Variants in MCF2 observed in about 807,000 individuals in gnomAD.
MCF2 encodes MCF.2 cell line derived transforming sequence.
MCF2 carries 44 observed loss-of-function variants against 82.5 expected under a neutral mutation model. That is an observed-to-expected ratio of 0.53 (90% CI 0.42 to 0.69). The LOEUF (loss-of-function observed/expected upper bound fraction) is 0.69, where lower values mean the gene tolerates loss of function less well. Among genes scored for constraint, MCF2 ranks in the 30% least tolerant of loss-of-function variants. MCF2 has a pLI of 0.00. For synonymous variants in MCF2, 217 were observed against 224.9 expected, an observed-to-expected ratio of 0.96 and a Z score of 0.32; for missense variants, 623 against 663.1, an observed-to-expected ratio of 0.94 and a Z score of 0.66.
intron 1 of MCF2, among the ~76,000 whole-genome samples, chrX:139,664,322 A>AAC (rs1200915450): frequency 5.7e-5 from 6 of 105,613 alleles, no homozygotes; most frequent in African/African-American, 2.2e-4. Context: ...ACAAAAAACA[A>AAC]AAAAAAAAAA....
intron 9 of MCF2, 87 bp downstream of exon 12, chrX:139,616,195 G>A: frequency 2.1e-6 from 1 of 475,747 alleles, no homozygotes; most frequent in Non-Finnish European, 3.2e-6. Context: ...CATAAAGTTA[G>A]CTGTGAGGTA....
intron 10 of MCF2, among the ~76,000 whole-genome samples, chrX:139,610,818 T>C (rs1292155821): frequency 9.0e-6 from 1 of 111,442 alleles, no homozygotes. Context: ...CCCAAAATCA[T>C]CCTAAGAGGT....
At chrX:139,632,863 A>G (rs1420249171) in intron 1 of MCF2, among the ~76,000 whole-genome samples, 1 of 112,021 alleles carries the variant, frequency 8.9e-6, no homozygotes, top group Non-Finnish European at 1.9e-5. Context: ...AAACAATGAA[A>G]GAAAACTTTA....
chrX:139,621,848 G>A (rs1932393067), intron 6 of MCF2, among the ~76,000 whole-genome samples: 1 of 111,350 alleles, frequency 9.0e-6, no homozygotes, highest in South Asian at 3.8e-4. Flanking sequence ...AACACCGAAA[G>A]CAATGGCAAC....
intron 1 of MCF2, among the ~76,000 whole-genome samples, chrX:139,703,003 A>C (rs1935527029): frequency 8.9e-6 from 1 of 112,238 alleles, no homozygotes; most frequent in South Asian, 3.7e-4. Flanking sequence ...TAAATGACTG[A>C]ACAACTTGGG....
chrX:139,584,128 CTTTTTT>C (rs1163854425), intron 24 of MCF2, among the ~76,000 whole-genome samples: 3 of 72,630 alleles, frequency 4.1e-5, no homozygotes, highest in Admixed American at 1.7e-4. Context: ...TGCCATTATC[CTTTTTT>C]TTTTTTTTTT....
intron 1 of MCF2, among the ~76,000 whole-genome samples, chrX:139,655,458 A>G (rs1934163376): frequency 9.0e-6 from 1 of 111,658 alleles, no homozygotes; most frequent in African/African-American, 3.3e-5. Context: ...AATGCTACTG[A>G]CTTTTGTACG....
chrX:139,613,129 G>T, intron 10 of MCF2, 87 bp downstream of exon 14: 1 of 618,491 alleles, frequency 1.6e-6, no homozygotes, highest in Non-Finnish European at 2.5e-6. Context: ...ATGAACTGCT[G>T]CTGTTTTTAG....
At chrX:139,619,752 C>T (rs1229235034) in intron 6 of MCF2, 46 bp from the exon 10 acceptor site, 41 of 990,997 alleles carry the variant, frequency 4.1e-5, no homozygotes, top group Non-Finnish European at 5.5e-5. Flanking sequence ...AAATTTATCC[C>T]CTTATGATCA....
intron 1 of MCF2, among the ~76,000 whole-genome samples, chrX:139,705,253 A>G (rs1261458007): frequency 8.9e-6 from 1 of 112,172 alleles, no homozygotes; most frequent in Admixed American, 9.5e-5. Flanking sequence ...CATAGGTTGC[A>G]GTGAGCTGAG....
intron 1 of MCF2, among the ~76,000 whole-genome samples, chrX:139,690,923 C>T (rs757719484): frequency 4.5e-5 from 5 of 111,165 alleles, no homozygotes; most frequent in Admixed American, 9.5e-5. Flanking sequence ...GAGGCAGCCC[C>T]GGTGCCCCAG....
chrX:139,591,872 T>C (rs1005263862), intron 19 of MCF2, among the ~76,000 whole-genome samples: 2 of 108,861 alleles, frequency 1.8e-5, no homozygotes, highest in African/African-American at 6.7e-5. Context: ...CCTGCAGATG[T>C]ACCCCCTGAA....
At chrX:139,627,078 C>CAGAATAAA (rs1201396885) in intron 4 of MCF2, among the ~76,000 whole-genome samples, 3 of 111,754 alleles carry the variant, frequency 2.7e-5, no homozygotes, top group Non-Finnish European at 3.8e-5. Context: ...TCCAGTCCAT[C>CAGAATAAA]CTATTCTGCT....
At chrX:139,603,640 CCTCGCTAA>C (rs1443055404) in intron 15 of MCF2, among the ~76,000 whole-genome samples, 3 of 111,541 alleles carry the variant, frequency 2.7e-5, no homozygotes, top group African/African-American at 9.8e-5. Context: ...TCGAGACCAT[CCTCGCTAA>C]CACGGTGAAA....
intron 1 of MCF2, among the ~76,000 whole-genome samples, chrX:139,680,226 C>T (rs886971904): frequency 4.5e-5 from 5 of 111,770 alleles, no homozygotes; most frequent in South Asian, 3.8e-4. Context: ...TAGGCTCAAG[C>T]GATCCTCCCG....
intron 7 of MCF2, among the ~76,000 whole-genome samples, chrX:139,619,172 GC>G (rs1385528304): frequency 2.7e-5 from 3 of 110,742 alleles, no homozygotes; most frequent in Non-Finnish European, 3.8e-5. Flanking sequence ...AATAATTTAT[GC>G]CCTTGTTCTT....
exon 15 of MCF2, chrX:139,604,726 A>G: frequency 2.5e-6 from 3 of 1,198,959 alleles, no homozygotes; most frequent in African/African-American, 3.5e-5. Flanking sequence ...CATGAGCACA[A>G]TTTTCCAGGC....
chrX:139,622,100 A>G (rs1932423769), intron 6 of MCF2, among the ~76,000 whole-genome samples: 1 of 112,262 alleles, frequency 8.9e-6, no homozygotes, highest in South Asian at 3.7e-4. Flanking sequence ...AAAAGAAGAC[A>G]TTTATGCAGC....
chrX:139,615,529 C>CCT (rs983815911), intron 9 of MCF2, among the ~76,000 whole-genome samples: 7 of 111,847 alleles, frequency 6.3e-5, no homozygotes, highest in African/African-American at 2.3e-4. Flanking sequence ...CACCTTTGTA[C>CCT]CTCTCCTAGA....
Sources: allele counts gnomAD v4.1 joint callset (sites outside exome capture counted in the v4.1 genomes callset), GRCh38; gene constraint gnomAD v4.1.1; transcripts MANE v1.5; gene names NCBI Gene and HGNC (gene_info 2026-07-23, HGNC 2026-07-21).